The following QKI variants were observed in gnomAD, a reference collection of about 807,000 sequenced individuals.
The protein encoded by QKI is QKI, KH domain containing RNA binding, also known as KH domain-containing RNA-binding protein QKI.
In QKI, 10 loss-of-function variants were observed where a neutral mutation model predicts 39.0. The observed-to-expected ratio is 0.26, with a 90% CI of 0.16 to 0.43. QKI has a LOEUF of 0.43. QKI is among the 20% of genes least tolerant of loss of function. The pLI is 1.00. For missense variants in QKI, 218 were observed against 428.0 expected (o/e 0.51, Z 4.33); for synonymous variants, 204 against 155.4 (o/e 1.31, Z -2.33).
chr6:163,480,417 GATAA>G (rs1235690895), intron 3 of QKI, among the ~76,000 whole-genome samples: 2 of 152,118 alleles, frequency 1.3e-5, no homozygotes, highest in Non-Finnish European at 2.9e-5. Flanking sequence ...CAGGGTATCT[GATAA>G]ACTTGTTTTC....
In QKI at chr6:163,552,686, C is replaced by T. The variant is rs528735818; in HGVS notation, c.547-9296C>T. 5.9e-5 allele frequency among the ~76,000 whole-genome samples: 9 copies of T among 152,236 alleles called. No individual in the cohort carries two copies. In the East Asian group the frequency reaches 1.2e-3, roughly 20 times the overall value. ...TCAGCGGCGTACTCATATATGTTTT[C>T]TAGAGAAGGAATCTATAGTTACCGT... On this transcript the variant is annotated intron_variant, in intron 4 of 7. Transcript: ENST00000361752.
At chr6:163,433,411 A>G (rs1160827414) in intron 1 of QKI, among the ~76,000 whole-genome samples, 3 of 152,198 alleles carry the variant, frequency 2.0e-5, no homozygotes, top group Admixed American at 1.3e-4. Flanking sequence ...TAATGTTACT[A>G]TTATTAAATA....
chr6:163,537,145 A>G (rs958503550), intron 4 of QKI, among the ~76,000 whole-genome samples: 1 of 152,276 alleles, frequency 6.6e-6, no homozygotes, highest in Admixed American at 6.5e-5. Context: ...AAGTTGAGCT[A>G]TATGATAGCA....
chr6:163,483,294 C>T (rs956440965), intron 3 of QKI, among the ~76,000 whole-genome samples: 5 of 152,164 alleles, frequency 3.3e-5, no homozygotes, highest in African/African-American at 1.2e-4. Context: ...ATGTTGATGG[C>T]TGCTGACTGA....
chr6:163,438,995 G>A (rs75220736), intron 1 of QKI, among the ~76,000 whole-genome samples: 4,246 of 151,638 alleles, frequency 0.028, 194 homozygotes, highest in African/African-American at 0.097. Flanking sequence ...TTCTGTTTTC[G>A]AACTTTTCTA....
intron 7 of QKI, chr6:163,567,860 A>G (rs1583234975): frequency 1.0e-6 from 1 of 985,516 alleles, no homozygotes. Context: ...GAATTTATGA[A>G]GGACCTACCT....
At chr6:163,565,306 T>C in intron 6 of QKI, 1 of 986,480 alleles carries the variant, frequency 1.0e-6, no homozygotes, top group Non-Finnish European at 1.2e-6. Flanking sequence ...CCACAGCATC[T>C]GTTCCCGAGG....
intron 3 of QKI, among the ~76,000 whole-genome samples, chr6:163,482,926 T>C (rs994571013): frequency 2.6e-5 from 4 of 152,180 alleles, no homozygotes; most frequent in Admixed American, 2.0e-4. Flanking sequence ...GCTGAAAGTC[T>C]CAGCCCTCTG....
intron 3 of QKI, among the ~76,000 whole-genome samples, chr6:163,504,758 G>T (rs1265302597): frequency 6.6e-6 from 1 of 152,156 alleles, no homozygotes; most frequent in Admixed American, 6.5e-5. Flanking sequence ...GCAGTCTTTA[G>T]TGTTCTCTAG....
At chr6:163,454,688 C>T (rs6906725) in intron 1 of QKI, among the ~76,000 whole-genome samples, 11,979 of 152,156 alleles carry the variant, frequency 0.079, 533 homozygotes, top group Middle Eastern at 0.11. Flanking sequence ...TTCCGTCCTT[C>T]TTTCTCCCAT....
At chr6:163,567,472 A>G in intron 7 of QKI, 1 of 984,746 alleles carries the variant, frequency 1.0e-6, no homozygotes, top group Non-Finnish European at 1.2e-6. Context: ...TATTATCTGA[A>G]GGTAAACTGT....
At chr6:163,481,039 A>G (rs779192873) in intron 3 of QKI, among the ~76,000 whole-genome samples, 1 of 152,202 alleles carries the variant, frequency 6.6e-6, no homozygotes, top group Admixed American at 6.5e-5. Flanking sequence ...TTGCACTCTT[A>G]TAAGTGTTTA....
chr6:163,436,531 T>C (rs1180520311), intron 1 of QKI, among the ~76,000 whole-genome samples: 1 of 151,966 alleles, frequency 6.6e-6, no homozygotes, highest in Non-Finnish European at 1.5e-5. Flanking sequence ...AAGGAAGAAA[T>C]GGCAAGGTGC....
chr6:163,543,996 T>TTTGTCA (rs1233321627), intron 4 of QKI, among the ~76,000 whole-genome samples: 1 of 152,104 alleles, frequency 6.6e-6, no homozygotes, highest in African/African-American at 2.4e-5. Context: ...TATTTTTATC[T>TTTGTCA]TTGTCATAGT....
intron 4 of QKI, among the ~76,000 whole-genome samples, chr6:163,555,400 T>C (rs1289253835): frequency 6.6e-6 from 1 of 150,622 alleles, no homozygotes; most frequent in Non-Finnish European, 1.5e-5. Flanking sequence ...TGAGAGTTCT[T>C]AGAAAAGCCT....
chr6:163,416,752 C>T (rs1366879629), intron 1 of QKI, among the ~76,000 whole-genome samples: 1 of 152,298 alleles, frequency 6.6e-6, no homozygotes, highest in Non-Finnish European at 1.5e-5. Flanking sequence ...AAACATACAG[C>T]ACTCACCAAC....
At chr6:163,555,041 T>G (rs898264914) in intron 4 of QKI, among the ~76,000 whole-genome samples, 23 of 152,228 alleles carry the variant, frequency 1.5e-4, no homozygotes, top group African/African-American at 5.5e-4. Context: ...GCATCAAAAT[T>G]CTTCATAAAA....
chr6:163,468,033 C>A (rs1195140390), intron 2 of QKI, among the ~76,000 whole-genome samples: 5 of 152,136 alleles, frequency 3.3e-5, no homozygotes, highest in Non-Finnish European at 7.4e-5. Context: ...TATATAGACA[C>A]AACTCTTCTC....
At chr6:163,505,162 T>A (rs1482801422) in intron 3 of QKI, among the ~76,000 whole-genome samples, 1 of 152,152 alleles carries the variant, frequency 6.6e-6, no homozygotes, top group East Asian at 1.9e-4. Flanking sequence ...TTGAGAATCT[T>A]TGCCTAGATT....
Sources: allele counts gnomAD v4.1 joint callset (sites outside exome capture counted in the v4.1 genomes callset), GRCh38; gene constraint gnomAD v4.1.1; transcripts MANE v1.5; gene names NCBI Gene and HGNC (gene_info 2026-07-23, HGNC 2026-07-21).